The following DENND2C variants were observed in gnomAD, a reference collection of about 807,000 sequenced individuals.
DENND2C encodes the protein DENN domain containing 2C.
DENND2C carries 72 observed loss-of-function variants against 112.4 expected under a neutral mutation model. The observed-to-expected ratio is 0.64, with a 90% confidence interval of 0.53 to 0.78. DENND2C has a LOEUF of 0.78. Ranked by LOEUF, DENND2C falls within the 30% of genes least tolerant of loss-of-function variation. The pLI, the probability that DENND2C is intolerant of heterozygous loss-of-function variation, is 0.00. For synonymous variants in DENND2C, 329 were observed against 381.6 expected (o/e 0.86, Z 1.61); for missense variants, 992 against 1,113.8 (o/e 0.89, Z 1.56).
At position 114,621,946 on chromosome 1, in the gene DENND2C, C is replaced by T; in HGVS notation, c.1176G>A (p.Lys392=). The T allele has an allele frequency of 1.3e-6, 2 of 1,550,688 alleles. No homozygotes were observed. Among genetic ancestry groups the T allele is most frequent in the East Asian group, 2.4e-5 (1 of 40,928 alleles). The change falls in exon 7 of 21, where the codon AAG becomes AAA. Residue 392 remains lysine, a synonymous_variant. Coordinates refer to ENST00000393274, the MANE Select transcript of DENND2C (RefSeq NM_001256404.2). The part of the protein sequence containing the change: ...TTLPVTLTEW[K]LFRAGEVANT... ...TTGCAACTTCACCAGCTCGGAAAAGCTTCCATTCCGTTAAAGTGACCGGCA... is the reference window on the plus strand; with the variant it reads ...TTGCAACTTCACCAGCTCGGAAAAGTTTCCATTCCGTTAAAGTGACCGGCA...
intron 3 of DENND2C, among the ~76,000 whole-genome samples, chr1:114,635,082 TA>T (rs1656617722): frequency 6.7e-6 from 1 of 148,870 alleles, no homozygotes; most frequent in Non-Finnish European, 1.5e-5. Context: ...CTTTACCTCA[TA>T]AAAGTTTCAA....
chr1:114,661,854 T>C (rs1178649893), intron 1 of DENND2C, among the ~76,000 whole-genome samples: 2 of 152,178 alleles, frequency 1.3e-5, no homozygotes, highest in African/African-American at 2.4e-5. Context: ...ACCAGACTCT[T>C]GAAAATATCA....
intron 3 of DENND2C, among the ~76,000 whole-genome samples, chr1:114,644,101 A>C (rs1656915355): frequency 6.6e-6 from 1 of 152,178 alleles, no homozygotes; most frequent in Non-Finnish European, 1.5e-5. Flanking sequence ...CCTTTAAAAC[A>C]AATCAAATTC....
intron 11 of DENND2C, among the ~76,000 whole-genome samples, chr1:114,604,659 C>CTT (rs35947354): frequency 6.4e-4 from 93 of 145,782 alleles, no homozygotes; most frequent in South Asian, 1.9e-3. Context: ...TAAAATAGAA[C>CTT]TTTTTTTTTT....
chr1:114,601,613 A>T (rs1655507036), intron 12 of DENND2C, 28 bp from the exon 13 acceptor site: 2 of 1,595,694 alleles, frequency 1.3e-6, no homozygotes, highest in Non-Finnish European at 1.7e-6. Flanking sequence ...CAACAACAAA[A>T]AAATCAAGCC....
intron 3 of DENND2C, among the ~76,000 whole-genome samples, chr1:114,637,802 A>G (rs1022674107): frequency 3.9e-5 from 6 of 152,186 alleles, no homozygotes; most frequent in African/African-American, 9.7e-5. Context: ...GGCGTGAACC[A>G]CTGGGCCTGG....
chr1:114,629,749 T>C (rs1226405249), intron 3 of DENND2C, among the ~76,000 whole-genome samples: 2 of 152,218 alleles, frequency 1.3e-5, no homozygotes, highest in Non-Finnish European at 2.9e-5. Context: ...CTATCATATA[T>C]AGAATTCTGT....
chr1:114,599,217 G>T, intron 16 of DENND2C, 57 bp downstream of exon 16: 1 of 1,376,034 alleles, frequency 7.3e-7, no homozygotes, highest in Non-Finnish European at 1.0e-6. Flanking sequence ...CCACTCTTAA[G>T]ATCACTTATT....
At chr1:114,626,256 A>G (rs1207488137) in intron 3 of DENND2C, 68 bp from the exon 4 acceptor site, 1 of 333,894 alleles carries the variant, frequency 3.0e-6, no homozygotes, top group African/African-American at 2.1e-5. Context: ...CCACTAAAAC[A>G]TTGCCCACCT....
chr1:114,632,194 A>G (rs1022809814), intron 3 of DENND2C, among the ~76,000 whole-genome samples: 1 of 152,186 alleles, frequency 6.6e-6, no homozygotes, highest in African/African-American at 2.4e-5. Context: ...TACCCTACAT[A>G]TAACTGGAGT....
intron 6 of DENND2C, among the ~76,000 whole-genome samples, chr1:114,622,720 G>C (rs1656198758): frequency 6.6e-6 from 1 of 151,312 alleles, no homozygotes; most frequent in Admixed American, 6.6e-5. Context: ...AATAGGGGGA[G>C]TGGGAACTAT....
intron 3 of DENND2C, among the ~76,000 whole-genome samples, chr1:114,643,469 GA>G (rs1656899642): frequency 6.6e-6 from 1 of 152,044 alleles, no homozygotes; most frequent in Non-Finnish European, 1.5e-5. Flanking sequence ...GACTAATAGG[GA>G]AAAAAAGTGT....
intron 1 of DENND2C, among the ~76,000 whole-genome samples, chr1:114,660,318 C>T (rs1657458546): frequency 6.6e-6 from 1 of 152,134 alleles, no homozygotes; most frequent in Admixed American, 6.6e-5. Context: ...TATAAAACAG[C>T]AGTTTCAAAC....
At chr1:114,637,369 C>CAAAAAA (rs71575188) in intron 3 of DENND2C, among the ~76,000 whole-genome samples, 5 of 127,668 alleles carry the variant, frequency 3.9e-5, no homozygotes, top group Admixed American at 7.8e-5. Flanking sequence ...GACTCTGTCT[C>CAAAAAA]AAAAAAAAAA....
chr1:114,627,686 A>G (rs1266162351), intron 3 of DENND2C, among the ~76,000 whole-genome samples: 2 of 152,224 alleles, frequency 1.3e-5, no homozygotes, highest in African/African-American at 2.4e-5. Flanking sequence ...ACTGTTGCAC[A>G]GAACTCTTGA....
rs531405067 is a variant in DENND2C at position 114,585,369 on chromosome 1, A to T, written c.*231T>A. 5 of 436,288 alleles carry T rather than the reference A, an allele frequency of 1.1e-5. No individual in the cohort carries two copies. Among genetic ancestry groups the T allele is most frequent in the Admixed American group, 3.9e-5 (1 of 25,810 alleles). 27.0% of individuals were successfully genotyped at this position (436,288 alleles called of 1,614,324 possible). A position where few individuals can be genotyped will look rare whatever the true frequency, so the allele number is the denominator to read the frequency against. ...GAATCACATAGAAAAGGCTGCTATAAAAAAAAAATGGAGACAGAGTAAAGA... is the reference window on the plus strand; with the variant it reads ...GAATCACATAGAAAAGGCTGCTATATAAAAAAAATGGAGACAGAGTAAAGA... On this transcript the variant is annotated 3_prime_UTR_variant, in exon 21 of 21. Coordinates refer to ENST00000393274, the MANE Select transcript of DENND2C (RefSeq NM_001256404.2).
At position 114,655,883 on chromosome 1, in the gene DENND2C, A is replaced by AT. The variant is rs1557960847; in HGVS notation, c.-573-1123_-573-1122insA. On this transcript the variant is annotated intron_variant, in intron 1 of 20. Coordinates refer to ENST00000393274, the MANE Select transcript of DENND2C (RefSeq NM_001256404.2). ...AAGAACTTTTATATATATATGTATA[A>AT]ATATATATATATATATAATATGTAT... Among the ~76,000 whole-genome samples the AT allele has an allele frequency of 2.0e-4, 25 of 125,878 alleles. 1 individual carries two copies. In the East Asian group the frequency reaches 4.2e-3, roughly 21 times the overall value. The allele number at this position is 125,878 out of a possible 152,430, so 82.6% of individuals were successfully genotyped here. A position where few individuals can be genotyped will look rare whatever the true frequency, so the allele number is the denominator to read the frequency against.
In DENND2C at chr1:114,599,380, G is replaced by A. The variant is rs753234702; in HGVS notation, c.2177C>T (p.Pro726Leu). 1.9e-6 allele frequency: 3 copies of A among 1,614,082 alleles called. No homozygotes were observed. The highest frequency in any genetic ancestry group is 2.2e-5 in the East Asian group (1 of 44,876). The part of the protein sequence containing the change: ...YPFTWQHTYI[P>L]VLPASMIDIV... ...GTCAATCATAGATGCTGGCAGGACTGGGATATAGGTATGCTGCCAGGTGAA... is the reference window on the plus strand; with the variant it reads ...GTCAATCATAGATGCTGGCAGGACTAGGATATAGGTATGCTGCCAGGTGAA... The change falls in exon 16 of 21, where the codon CCA (proline) becomes CTA (leucine). Residue 726 changes from proline (P) to leucine (L), a missense_variant. Around this residue, in one of 3 missense-constraint regions of DENND2C, gnomAD observed 516 missense variants for 623.6 expected, o/e 0.83. Coordinates refer to ENST00000393274, the MANE Select transcript of DENND2C (RefSeq NM_001256404.2).
intron 1 of DENND2C, among the ~76,000 whole-genome samples, chr1:114,657,890 G>T (rs78664286): frequency 0.026 from 4,006 of 152,230 alleles, 93 homozygotes; most frequent in Non-Finnish European, 0.034. Context: ...AGAAACAAGG[G>T]TATAAAGCAA....
Sources: allele counts gnomAD v4.1 joint callset (sites outside exome capture counted in the v4.1 genomes callset), GRCh38; gene constraint gnomAD v4.1.1; regional missense constraint gnomAD v4.1.1; transcripts MANE v1.5; gene names NCBI Gene and HGNC (gene_info 2026-07-23, HGNC 2026-07-21).